NHSL1: variants seen among roughly 807,000 people sequenced by gnomAD.
NHSL1 encodes the protein NHS like 1.
A neutral mutation model predicts 95.0 loss-of-function variants in NHSL1; 48 were observed. The ratio of observed to expected loss-of-function variants is 0.51; its 90% CI spans 0.40 to 0.64. The LOEUF (loss-of-function observed/expected upper bound fraction) is 0.64, where lower values mean the gene tolerates loss of function less well. NHSL1 is among the 30% of genes least tolerant of loss of function. The pLI, the probability that NHSL1 is intolerant of heterozygous loss-of-function variation, is 0.00. For synonymous variants in NHSL1, 783 were observed against 833.9 expected (o/e 0.94, Z 1.05); for missense variants, 1,971 against 2,077.7 (o/e 0.95, Z 1.00).
At chr6:138,524,774 T>C (rs2128311424) in intron 1 of NHSL1, among the ~76,000 whole-genome samples, 1 of 152,202 alleles carries the variant, frequency 6.6e-6, no homozygotes, top group Admixed American at 6.5e-5. Flanking sequence ...GTTTCCCAAA[T>C]AGGAAACACT....
intron 1 of NHSL1, among the ~76,000 whole-genome samples, chr6:138,679,569 T>C (rs1410042188): frequency 1.3e-5 from 2 of 152,174 alleles, no homozygotes; most frequent in Non-Finnish European, 2.9e-5. Context: ...AAATAACACA[T>C]CATGAGTACA....
At chr6:138,460,488 T>C (rs1040339368) in intron 3 of NHSL1, among the ~76,000 whole-genome samples, 2 of 152,120 alleles carry the variant, frequency 1.3e-5, no homozygotes, top group African/African-American at 4.8e-5. Flanking sequence ...TTTTGTGTCA[T>C]TATTCCCTAA....
chr6:138,424,933 A>C lies in NHSL1; in HGVS notation c.4086-117T>G. The C allele has an allele frequency of 1.1e-6, 1 of 896,460 alleles. No homozygotes were observed. The highest frequency in any genetic ancestry group is 1.7e-6 in the Non-Finnish European group (1 of 605,904). The allele number at this position is 896,460 out of a possible 1,614,324, so 55.5% of individuals were successfully genotyped here. On this transcript the variant is annotated intron_variant, in intron 7 of 7. Transcript: ENST00000343505. The surrounding 1 kb of genome is among the most constrained non-coding windows in gnomAD (Gnocchi z 5.9). ...CACCATCTACTTAAGATTCACTTTCAAAAAATTTATTTTTGACTGGGCACA... is the reference window on the plus strand; with the variant it reads ...CACCATCTACTTAAGATTCACTTTCCAAAAATTTATTTTTGACTGGGCACA...
In NHSL1 at chr6:138,521,402, G is replaced by A. The variant is rs546636319; in HGVS notation, c.16+24221C>T. On this transcript the variant is annotated intron_variant, in intron 1 of 4. Coordinates refer to the NHSL1 transcript ENST00000342260. ...GACCCCTTGAGCCCAGAAGGTTGAG[G>A]CTGCAGTGAGCCATGATCACGCCAC... Among the ~76,000 whole-genome samples the A allele has an allele frequency of 1.7e-4, 26 of 152,292 alleles. No homozygotes were observed. The East Asian group carries it at 3.3e-3, about 19-fold the overall frequency.
In NHSL1 at chr6:138,431,775, T is replaced by C. The variant is rs769096996; in HGVS notation, c.2570A>G (p.Asn857Ser). 2 of 1,551,706 alleles carry C rather than the reference T, an allele frequency of 1.3e-6. No homozygotes were observed. Among genetic ancestry groups the C allele is most frequent in the South Asian group, 2.4e-5 (2 of 84,066 alleles). Residue 857 changes from asparagine to serine, a missense_variant, in exon 6 of 8, where the codon AAT becomes AGT. By Grantham distance (46) the Asn-to-Ser change is conservative. Around this residue, in one of 3 missense-constraint regions of NHSL1, gnomAD observed 1,602 missense variants for 1,654.5 expected, o/e 0.97. Transcript: ENST00000343505. This position sits in a 1 kb window ranked among gnomAD's most constrained non-coding sequence, Gnocchi z 4.0. ...SPSSGYSSQS[N>S]TPTALTPVPV... ...CACAGGGGTGAGTGCTGTGGGTGTA[T>C]TCGACTGGCTGGAATACCCACTGGA... is the stretch of plus-strand genomic sequence containing the variant.
At chr6:138,463,378 G>A (rs1160908355) in intron 3 of NHSL1, among the ~76,000 whole-genome samples, 2 of 151,898 alleles carry the variant, frequency 1.3e-5, no homozygotes, top group East Asian at 3.9e-4. Context: ...CTGGTCCTTG[G>A]TTATTTCCTC....
chr6:138,533,777 A>T (rs889015128), intron 1 of NHSL1, among the ~76,000 whole-genome samples: 7 of 152,294 alleles, frequency 4.6e-5, no homozygotes, highest in African/African-American at 1.7e-4. Context: ...CTTTTTAGTC[A>T]AGAGAAGTGT....
At chr6:138,505,499 C>T (rs963940756) in intron 1 of NHSL1, among the ~76,000 whole-genome samples, 1 of 151,674 alleles carries the variant, frequency 6.6e-6, no homozygotes, top group African/African-American at 2.4e-5. Context: ...GCTAAAAATA[C>T]AAAAAATTAG....
At chr6:138,426,234 G>T (rs1344812640) in intron 7 of NHSL1, among the ~76,000 whole-genome samples, 1 of 152,200 alleles carries the variant, frequency 6.6e-6, no homozygotes, top group Non-Finnish European at 1.5e-5. Context: ...GCAGGGAAAG[G>T]TTGAGAGTAT....
At chr6:138,512,406 G>T (rs1220420934) in intron 1 of NHSL1, 1 of 434,014 alleles carries the variant, frequency 2.3e-6, no homozygotes, top group African/African-American at 2.0e-5. Context: ...GTTAAAATAG[G>T]ATAAAATTCA....
intron 1 of NHSL1, among the ~76,000 whole-genome samples, chr6:138,533,569 T>A (rs960734934): frequency 1.3e-5 from 2 of 152,104 alleles, no homozygotes; most frequent in African/African-American, 2.4e-5. Context: ...AAAATAAATT[T>A]AAAAAATACA....
At chr6:138,627,373 G>C (rs1784754545) in intron 1 of NHSL1, among the ~76,000 whole-genome samples, 1 of 152,136 alleles carries the variant, frequency 6.6e-6, no homozygotes, top group Non-Finnish European at 1.5e-5. Context: ...ATTCTTCTTT[G>C]TAAATAATTG....
rs754639563 is a variant in NHSL1 at position 138,473,383 on chromosome 6, G to C, written c.262C>G (p.Gln88Glu). The change falls in exon 3 of 8, where the codon CAG becomes GAG. Residue 88 changes from glutamine to glutamate, a missense_variant. Physicochemically the swap from Gln to Glu is conservative, Grantham distance 29 (BLOSUM62 2). Coordinates refer to ENST00000343505, the MANE Select transcript of NHSL1 (RefSeq NM_001144060.2). ...GCGTTGGCCGCAAAGGTGGGTCCCT[G>C]AGAGTAGTACTGAGAACTGCGGTAG... is the stretch of plus-strand genomic sequence containing the variant. Reference protein sequence around the residue: ...DGYRSSQYYSQGPTFAANASP... With the variant: ...DGYRSSQYYSEGPTFAANASP... The C allele has an allele frequency of 1.7e-5, 27 of 1,548,446 alleles. No homozygotes were observed. The South Asian group carries it at 3.1e-4, about 18-fold the overall frequency.
Position 138,433,171 on chromosome 6 carries a change from T to A in NHSL1, c.1174A>T (p.Ser392Cys), listed in dbSNP as rs1025933139. Residue 392 changes from serine to cysteine, a missense_variant, in exon 6 of 8, where the codon AGT becomes TGT. Around this residue, in one of 3 missense-constraint regions of NHSL1, gnomAD observed 1,602 missense variants for 1,654.5 expected, o/e 0.97. Transcript: ENST00000343505. ...PKSQELRHFESENIMSPACVV... is the reference protein window; with the variant it reads ...PKSQELRHFECENIMSPACVV... ...CACGCTGGGCTCATTATATTTTCAC[T>A]CTCGAAGTGTCTCAACTCCTGGGAT... 6.4e-7 allele frequency: 1 copy of A among 1,551,356 alleles called. No homozygotes were observed. The highest frequency in any genetic ancestry group is 1.2e-5 in the South Asian group (1 of 84,054).
chr6:138,545,864 T>C (rs1420850588), upstream of NHSL1: 2 of 979,640 alleles, frequency 2.0e-6, no homozygotes, highest in African/African-American at 1.8e-5. Flanking sequence ...GGAATCAGCC[T>C]GCAATCATCT....
chr6:138,571,675 T>C (rs756393591), intron 1 of NHSL1: 2 of 1,544,260 alleles, frequency 1.3e-6, no homozygotes, highest in South Asian at 2.4e-5. Context: ...TAACAAACTT[T>C]TTCAAATGTT....
At chr6:138,625,724 G>A (rs543640568) in intron 1 of NHSL1, among the ~76,000 whole-genome samples, 38 of 150,172 alleles carry the variant, frequency 2.5e-4, no homozygotes, top group Non-Finnish European at 2.7e-4. Flanking sequence ...CCTCACTGCC[G>A]CCTAAAACTC....
At chr6:138,507,489 C>G (rs757024778) in intron 1 of NHSL1, among the ~76,000 whole-genome samples, 1 of 152,142 alleles carries the variant, frequency 6.6e-6, no homozygotes, top group African/African-American at 2.4e-5. Flanking sequence ...TTTGGATAAA[C>G]AAGCTATAAA....
chr6:138,451,223 T>C (rs1777215392), intron 3 of NHSL1, among the ~76,000 whole-genome samples: 2 of 152,170 alleles, frequency 1.3e-5, no homozygotes, highest in African/African-American at 4.8e-5. Context: ...TGCTGTACCT[T>C]GTACCTTCCA....
Sources: allele counts gnomAD v4.1 joint callset (sites outside exome capture counted in the v4.1 genomes callset), GRCh38; gene constraint gnomAD v4.1.1; regional missense constraint gnomAD v4.1.1; non-coding constraint Gnocchi (gnomAD v3.1); transcripts MANE v1.5; gene names NCBI Gene and HGNC (gene_info 2026-07-23, HGNC 2026-07-21).